Variants in VOPP1 observed in about 807,000 individuals in gnomAD.
VOPP1 encodes WW domain binding protein VOPP1.
A neutral mutation model predicts 23.5 loss-of-function variants in VOPP1; 8 were observed. The observed-to-expected ratio is 0.34, with a 90% CI of 0.20 to 0.61. The LOEUF is 0.61. Among genes scored for constraint, VOPP1 ranks in the 20% least tolerant of loss-of-function variants. The pLI is 0.78. For missense variants in VOPP1, 174 were observed against 238.1 expected (o/e 0.73, Z 1.77); for synonymous variants, 83 against 97.3 (o/e 0.85, Z 0.86).
At chr7:55,537,279 C>G (rs1796854390) in intron 1 of VOPP1, among the ~76,000 whole-genome samples, 1 of 152,182 alleles carries the variant, frequency 6.6e-6, no homozygotes, top group Non-Finnish European at 1.5e-5. Context: ...TCTGGGAAGC[C>G]AAGCAGGAAT....
In VOPP1 at chr7:55,442,491, T is replaced by C. The variant is rs78177191; in HGVS notation, n.418-6317A>G. ...CCTGTTCAAACAAGTGGGTTGTCAG[T>C]GTCTCAACCTGACAAGGATCTGAAG... On this transcript the variant is annotated intron_variant and non_coding_transcript_variant, in intron 4 of 4. Coordinates refer to the VOPP1 transcript ENST00000462326. Among the ~76,000 whole-genome samples the C allele has an allele frequency of 9.6e-3, 1,467 of 152,294 alleles. 19 individuals carry two copies. The highest frequency in any genetic ancestry group is 0.032 in the African/African-American group (1,330 of 41,558).
chr7:55,495,384 G>A (rs951059977), intron 3 of VOPP1, among the ~76,000 whole-genome samples: 1 of 152,090 alleles, frequency 6.6e-6, no homozygotes, highest in Non-Finnish European at 1.5e-5. Flanking sequence ...ACGTTGTGGG[G>A]CCCAGGCAGC....
intron 2 of VOPP1, among the ~76,000 whole-genome samples, chr7:55,498,438 A>C (rs62457897): frequency 2.6e-4 from 1 of 3,898 alleles, no homozygotes; most frequent in Non-Finnish European, 6.8e-4. Context: ...GAGCATGGGC[A>C]GGTGAGGCAC....
intron 1 of VOPP1, 27 bp from the exon 2 acceptor site, chr7:55,521,157 G>A: frequency 2.6e-6 from 4 of 1,559,862 alleles, no homozygotes; most frequent in Non-Finnish European, 3.5e-6. Flanking sequence ...GAAAAAGTTT[G>A]TCAGTACTCA....
chr7:55,472,257 C>CT lies in VOPP1; in HGVS notation c.*597dup, dbSNP rs1188572697. The CT allele has an allele frequency of 4.0e-5, 6 of 149,110 alleles. No individual in the cohort carries two copies. The highest frequency in any genetic ancestry group is 1.5e-4 in the African/African-American group (6 of 40,140). The allele number at this position is 149,110 out of a possible 1,614,324, so 9.2% of individuals were successfully genotyped here. On this transcript the variant is annotated 3_prime_UTR_variant, in exon 5 of 5. Coordinates refer to ENST00000285279, the MANE Select transcript of VOPP1 (RefSeq NM_030796.5). ...TGCGGTGAGAGCTGCACGTGCTACC[C>CT]TTCCCTGGCGGTGCAGGAGAAGTCT...
intron 3 of VOPP1, among the ~76,000 whole-genome samples, chr7:55,495,265 T>G (rs1793872721): frequency 6.6e-6 from 1 of 152,178 alleles, no homozygotes. Context: ...TACTCTTGAT[T>G]CCATCCAGAC....
chr7:55,564,445 T>C (rs1404513059), intron 1 of VOPP1, among the ~76,000 whole-genome samples: 4 of 152,116 alleles, frequency 2.6e-5, no homozygotes, highest in African/African-American at 9.7e-5. Context: ...CCTCTCAGTA[T>C]TAAAAGTCAA....
intron 1 of VOPP1, among the ~76,000 whole-genome samples, chr7:55,559,618 T>C (rs1797917932): frequency 6.6e-6 from 1 of 152,256 alleles, no homozygotes; most frequent in Non-Finnish European, 1.5e-5. Flanking sequence ...TAACTTCTCA[T>C]GCAATTCAGA....
intron 1 of VOPP1, among the ~76,000 whole-genome samples, chr7:55,539,899 GCA>G (rs60831624): frequency 0.22 from 30,311 of 139,066 alleles, 3,677 homozygotes; most frequent in African/African-American, 0.34. Flanking sequence ...CATAAGCGCT[GCA>G]CACACACACA....
chr7:55,497,761 C>T lies in VOPP1; in HGVS notation c.114-71G>A, dbSNP rs1341886319. 2.2e-6 allele frequency: 3 copies of T among 1,383,324 alleles called. No homozygotes were observed. The East Asian group carries it at 6.8e-5, about 32-fold the overall frequency. 85.7% of individuals were successfully genotyped at this position (1,383,324 alleles called of 1,614,324 possible). On this transcript the variant is annotated intron_variant, in intron 2 of 4. Transcript: ENST00000285279. ...CACCGGACCAGCCATGCGGCCCAGG[C>T]TGGGCTTCAATGTAATCATTCTTGA...
chr7:55,568,149 C>T lies in VOPP1; in HGVS notation c.54+4122G>A, dbSNP rs190566156. Among the ~76,000 whole-genome samples the T allele has an allele frequency of 6.0e-3, 894 of 148,012 alleles. 13 individuals carry two copies. The highest frequency in any genetic ancestry group is 0.021 in the African/African-American group (835 of 39,856). ...GGCTGGAGTGCAGTGGCACAATCTC[C>T]GCTCACTGCAAGCTCCGCCTCCCGG... On this transcript the variant is annotated intron_variant, in intron 1 of 4. Coordinates refer to ENST00000285279, the MANE Select transcript of VOPP1 (RefSeq NM_030796.5).
chr7:55,542,046 C>T (rs1192151770), intron 1 of VOPP1, among the ~76,000 whole-genome samples: 7 of 152,074 alleles, frequency 4.6e-5, no homozygotes, highest in African/African-American at 1.4e-4. Flanking sequence ...TATAGATGGG[C>T]GAGATGATGG....
chr7:55,463,106 T>C (rs1444665634), intron 4 of VOPP1, among the ~76,000 whole-genome samples: 1 of 152,252 alleles, frequency 6.6e-6, no homozygotes, highest in Non-Finnish European at 1.5e-5. Context: ...TATCTTAATT[T>C]TAAAATTTGT....
intron 1 of VOPP1, 80 bp downstream of exon 1, chr7:55,572,191 G>A (rs1798388075): frequency 1.6e-6 from 2 of 1,233,750 alleles, no homozygotes; most frequent in Non-Finnish European, 2.2e-6. Context: ...GGTCCTCTGG[G>A]GCGCCTCGGA....
intron 4 of VOPP1, among the ~76,000 whole-genome samples, chr7:55,487,828 G>A (rs986298300): frequency 2.6e-5 from 4 of 152,152 alleles, no homozygotes; most frequent in Non-Finnish European, 5.9e-5. Flanking sequence ...TTCAATCACA[G>A]GGGCACCACA....
intron 1 of VOPP1, among the ~76,000 whole-genome samples, chr7:55,545,601 G>A (rs902000578): frequency 1.4e-4 from 22 of 152,184 alleles, no homozygotes; most frequent in Admixed American, 2.6e-4. Context: ...TAACACAGGC[G>A]TGACTGCAGT....
intron 4 of VOPP1, among the ~76,000 whole-genome samples, chr7:55,460,833 T>C (rs1791481595): frequency 6.6e-6 from 1 of 152,218 alleles, no homozygotes; most frequent in African/African-American, 2.4e-5. Flanking sequence ...GTGTGGAATA[T>C]CTTTTTCCAT....
At chr7:55,562,069 T>C (rs1216751423) in intron 1 of VOPP1, 1 of 703,056 alleles carries the variant, frequency 1.4e-6, no homozygotes, top group African/African-American at 1.7e-5. Context: ...AAAATAAAGA[T>C]GACTAGGCTC....
intron 2 of VOPP1, among the ~76,000 whole-genome samples, chr7:55,499,770 C>T (rs1794237543): frequency 6.6e-6 from 1 of 152,124 alleles, no homozygotes; most frequent in Admixed American, 6.6e-5. Context: ...GCTGGTACCC[C>T]TGGTTCCACG....
Sources: allele counts gnomAD v4.1 joint callset (sites outside exome capture counted in the v4.1 genomes callset), GRCh38; gene constraint gnomAD v4.1.1; transcripts MANE v1.5; gene names NCBI Gene and HGNC (gene_info 2026-07-23, HGNC 2026-07-21).